Variants in SSX2IP observed in about 807,000 individuals in gnomAD.
The protein encoded by SSX2IP is afadin- and alpha-actinin-binding protein.
Under a neutral mutation model 84.9 loss-of-function variants are expected in SSX2IP, and 55 were observed. The ratio of observed to expected loss-of-function variants is 0.65; its 90% CI spans 0.52 to 0.81. SSX2IP has a LOEUF of 0.81. Ranked by LOEUF, SSX2IP falls within the 30% of genes least tolerant of loss-of-function variation. The pLI, the probability that SSX2IP is intolerant of heterozygous loss-of-function variation, is 0.00. For missense variants in SSX2IP, 664 were observed against 705.2 expected, an observed-to-expected ratio of 0.94 and a Z score of 0.66; for synonymous variants, 239 against 234.7, an observed-to-expected ratio of 1.02 and a Z score of -0.17.
intron 13 of SSX2IP, 45 bp from the exon 14 acceptor site, chr1:84,647,652 CTT>C: frequency 7.3e-7 from 1 of 1,378,418 alleles, no homozygotes; most frequent in Admixed American, 2.3e-5. Context: ...TCCTCTCCTT[CTT>C]TTGTACTTTA....
At chr1:84,658,230 A>C in intron 9 of SSX2IP, 88 bp downstream of exon 9, 1 of 1,462,058 alleles carries the variant, frequency 6.8e-7, no homozygotes, top group South Asian at 1.3e-5. Context: ...TTTAGCTCTG[A>C]GCCTATAATG....
At chr1:84,648,967 C>T (rs748993739) in intron 13 of SSX2IP, among the ~76,000 whole-genome samples, 7 of 152,184 alleles carry the variant, frequency 4.6e-5, no homozygotes, top group Admixed American at 1.3e-4. Context: ...GTTTATATTA[C>T]AGACTCCTAC....
intron 1 of SSX2IP, among the ~76,000 whole-genome samples, chr1:84,689,806 A>G (rs1656328100): frequency 6.6e-6 from 1 of 152,242 alleles, no homozygotes; most frequent in Non-Finnish European, 1.5e-5. Context: ...GTATTTTCAC[A>G]CATGCCTGCC....
intron 11 of SSX2IP, among the ~76,000 whole-genome samples, chr1:84,654,591 G>T (rs1160491745): frequency 6.6e-6 from 1 of 152,004 alleles, no homozygotes. Flanking sequence ...TGAGCAACAT[G>T]GCAGCTGAAA....
intron 7 of SSX2IP, 39 bp from the exon 8 acceptor site, chr1:84,662,414 A>C (rs756000918): frequency 6.2e-7 from 1 of 1,610,946 alleles, no homozygotes; most frequent in South Asian, 1.1e-5. Flanking sequence ...GCAGGATAGA[A>C]GGAAGTCTGA....
rs186763584 is a variant in SSX2IP, at chr1:84,679,059, G to A, written c.-89-7751C>T. ...AAAGTTAGAGTTACCACACTGTTGG[G>A]TTAAGAAGATAAAACTAAGTGTTGG... On this transcript the variant is annotated intron_variant, in intron 1 of 13. Transcript: ENST00000342203. Among the ~76,000 whole-genome samples, 5 of 152,304 alleles carry A rather than the reference G, an allele frequency of 3.3e-5. No individual in the cohort carries two copies. In the East Asian group the frequency reaches 9.6e-4, roughly 29 times the overall value.
At chr1:84,667,796 T>C (rs1652971270) in intron 4 of SSX2IP, among the ~76,000 whole-genome samples, 1 of 152,154 alleles carries the variant, frequency 6.6e-6, no homozygotes, top group Non-Finnish European at 1.5e-5. Flanking sequence ...AGCAAATTTC[T>C]ACTCATTCTT....
intron 1 of SSX2IP, among the ~76,000 whole-genome samples, chr1:84,687,294 T>C (rs1570755652): frequency 6.6e-6 from 1 of 152,216 alleles, no homozygotes; most frequent in Non-Finnish European, 1.5e-5. Context: ...GGAGTTAAGA[T>C]TGTTCTGAAT....
rs573903984 is a variant in SSX2IP, at chr1:84,665,793, G to A, written c.537+329C>T. The stretch of plus-strand genomic sequence containing the variant: ...AGCTATCACGTACAGGTACAGCAGA[G>A]AATAAAAGATCTGCATTTAAAGCAC... On this transcript the variant is annotated intron_variant, in intron 5 of 13. Transcript: ENST00000342203. Among the ~76,000 whole-genome samples the A allele has an allele frequency of 8.7e-4, 133 of 152,288 alleles. 1 individual carries two copies. The highest frequency in any genetic ancestry group is 1.5e-3 in the Non-Finnish European group (101 of 68,006).
chr1:84,677,912 T>C (rs1452604931), intron 1 of SSX2IP, among the ~76,000 whole-genome samples: 1 of 152,230 alleles, frequency 6.6e-6, no homozygotes, highest in Non-Finnish European at 1.5e-5. Flanking sequence ...CCAGCTAAGC[T>C]GTGCTCAGAT....
chr1:84,681,449 C>G lies in SSX2IP; in HGVS notation c.-90+8922G>C, dbSNP rs1359438051. 5.3e-5 allele frequency among the ~76,000 whole-genome samples: 8 copies of G among 152,106 alleles called. 1 individual carries two copies. The South Asian group carries it at 6.2e-4, about 12-fold the overall frequency. On this transcript the variant is annotated intron_variant, in intron 1 of 13. Coordinates refer to ENST00000342203, the MANE Select transcript of SSX2IP (RefSeq NM_001166293.2). ...CAGTATGATCACCATTTTTTGTTAA[C>G]TCAAACTACCTATATATATTTAGGG...
At chr1:84,674,502 A>G (rs779543962) in intron 1 of SSX2IP, among the ~76,000 whole-genome samples, 1 of 152,122 alleles carries the variant, frequency 6.6e-6, no homozygotes, top group Non-Finnish European at 1.5e-5. Flanking sequence ...GAAAACAGTA[A>G]TAGGCACCTT....
chr1:84,673,843 T>C (rs1332383057), intron 1 of SSX2IP, among the ~76,000 whole-genome samples: 11 of 152,166 alleles, frequency 7.2e-5, no homozygotes. Flanking sequence ...TTACATGTTA[T>C]GATGTTACAC....
intron 1 of SSX2IP, among the ~76,000 whole-genome samples, chr1:84,671,529 A>C (rs1251076762): frequency 6.6e-6 from 1 of 152,170 alleles, no homozygotes; most frequent in Non-Finnish European, 1.5e-5. Flanking sequence ...TGAGGTATTC[A>C]TATTACTTTA....
chr1:84,649,965 A>G (rs878922454), intron 13 of SSX2IP: 1 of 573,174 alleles, frequency 1.7e-6, no homozygotes, highest in Non-Finnish European at 3.4e-6. Flanking sequence ...CAACAATAAA[A>G]TGGGCATGCC....
rs1262362639 is a variant in SSX2IP at position 84,652,020 on chromosome 1, T to C, written c.1390-23A>G. 5.8e-6 allele frequency: 9 copies of C among 1,542,774 alleles called. No homozygotes were observed. In the East Asian group the frequency reaches 1.8e-4, roughly 31 times the overall value. ...TCTCTACCATAAACAGCCAAAGAAA[T>C]AATGATCAATATTTCAACATCCACA... is the stretch of plus-strand genomic sequence containing the variant. On this transcript the variant is annotated intron_variant, in intron 11 of 13. Coordinates refer to ENST00000342203, the MANE Select transcript of SSX2IP (RefSeq NM_001166293.2).
intron 1 of SSX2IP, 90 bp downstream of exon 1, chr1:84,690,281 C>T (rs1417184927): frequency 1.3e-5 from 2 of 151,806 alleles, no homozygotes; most frequent in Non-Finnish European, 2.9e-5. Context: ...CTCACCTCCG[C>T]GCGCGCCCGC....
chr1:84,660,624 G>A (rs1651808923), intron 8 of SSX2IP, among the ~76,000 whole-genome samples: 2 of 151,958 alleles, frequency 1.3e-5, no homozygotes, highest in South Asian at 4.2e-4. Context: ...AATTGGCCGT[G>A]GGTGGTGGTG....
At chr1:84,689,854 T>C (rs1363126209) in intron 1 of SSX2IP, among the ~76,000 whole-genome samples, 2 of 152,254 alleles carry the variant, frequency 1.3e-5, no homozygotes, top group African/African-American at 4.8e-5. Flanking sequence ...GACTTTTTAC[T>C]AGACCACTAT....
Sources: gnomAD v4.1 joint callset for allele counts (sites outside exome capture counted in the v4.1 genomes callset) on GRCh38, gnomAD v4.1.1 for gene constraint, MANE v1.5 for transcripts, NCBI Gene and HGNC (gene_info 2026-07-23, HGNC 2026-07-21) for gene names.